The following SLC15A4 variants were observed in gnomAD, a reference collection of about 807,000 sequenced individuals.
SLC15A4 encodes the protein hPHT1.
A neutral mutation model predicts 46.1 loss-of-function variants in SLC15A4; 26 were observed. The ratio of observed to expected loss-of-function variants is 0.56; its 90% confidence interval spans 0.41 to 0.78. SLC15A4 has a LOEUF of 0.78. Ranked by LOEUF, SLC15A4 falls within the 30% of genes least tolerant of loss-of-function variation. The pLI, the probability that SLC15A4 is intolerant of heterozygous loss-of-function variation, is 0.00. For missense variants in SLC15A4, 751 were observed against 755.7 expected (o/e 0.99, Z 0.07); for synonymous variants, 370 against 333.4 (o/e 1.11, Z -1.20).
At chr12:128,809,340 C>A in intron 4 of SLC15A4, 56 bp downstream of exon 4, 1 of 1,088,676 alleles carries the variant, frequency 9.2e-7, no homozygotes, top group South Asian at 1.4e-5. Context: ...TAGAAGGAAT[C>A]CATTTATTAC....
At chr12:128,798,451 T>C (rs770807486) in intron 7 of SLC15A4, among the ~76,000 whole-genome samples, 2 of 152,188 alleles carry the variant, frequency 1.3e-5, no homozygotes, top group Non-Finnish European at 2.9e-5. Context: ...CCTATACTCA[T>C]GGAAGGGCTC....
Position 128,808,812 on chromosome 12 carries a change from C to CA in SLC15A4, c.1233dup (p.Val412CysfsTer14). 1 of 1,614,168 alleles carries CA rather than the reference C, an allele frequency of 6.2e-7. No individual in the cohort carries two copies. Among genetic ancestry groups the CA allele is most frequent in the Non-Finnish European group, 8.5e-7 (1 of 1,180,008 alleles). ...CCTGCAGCAAAGGCCGAGCACATGA[C>CA]AAAGAACATGCCCACGGCGATCCTC... is the stretch of plus-strand genomic sequence containing the variant. On this transcript the variant is annotated frameshift_variant, in exon 5 of 8. Coordinates refer to ENST00000266771, the MANE Select transcript of SLC15A4 (RefSeq NM_145648.4). LOFTEE classifies it high-confidence loss of function.
intron 7 of SLC15A4, 66 bp from the exon 8 acceptor site, chr12:128,794,422 C>T (rs933099698): frequency 6.8e-7 from 1 of 1,468,288 alleles, no homozygotes; most frequent in Non-Finnish European, 9.2e-7. Flanking sequence ...CAAGACTTTA[C>T]TATTTAATCT....
intron 1 of SLC15A4, among the ~76,000 whole-genome samples, chr12:128,823,150 A>G (rs1445877922): frequency 6.6e-6 from 1 of 152,114 alleles, no homozygotes; most frequent in Non-Finnish European, 1.5e-5. Context: ...TCTTTTCTTT[A>G]AAGCCACTGT....
At chr12:128,821,417 G>A (rs952596894) in intron 1 of SLC15A4, among the ~76,000 whole-genome samples, 2 of 152,180 alleles carry the variant, frequency 1.3e-5, no homozygotes, top group Non-Finnish European at 1.5e-5. Context: ...GAGACATCTC[G>A]TCTCCATCAC....
At position 128,800,883 on chromosome 12, in the gene SLC15A4, C is replaced by T. The variant is rs1187733419; in HGVS notation, c.1385G>A (p.Gly462Glu). The T allele has an allele frequency of 3.7e-6, 6 of 1,613,186 alleles. No individual in the cohort carries two copies. In the African/African-American group the frequency reaches 8.0e-5, roughly 22 times the overall value. Residue 462 changes from glycine (G) to glutamate (E), a missense_variant, in exon 6 of 8, where the codon GGG becomes GAG. Coordinates refer to ENST00000266771, the MANE Select transcript of SLC15A4 (RefSeq NM_145648.4). ...WWQVPQYLLIGISEIFASIAG... is the reference protein window; with the variant it reads ...WWQVPQYLLIEISEIFASIAG... ...GATACTTGCAAAGATCTCGCTGATC[C>T]CAATCAGCAAGTACTGCGGCACCTG...
At position 128,823,503 on chromosome 12, in the gene SLC15A4, G is replaced by A. The variant is rs1237999190; in HGVS notation, c.441C>T (p.Asp147=). ...CCGGTGAGCAGCAGCGGGCGGCGGC[G>A]TCGGGACCAGGCGCCGTGCAGTTGA... is the stretch of plus-strand genomic sequence containing the variant. ...RLLNCTAPGP[D]AAARCCSPAT... Residue 147 remains aspartate (D), a synonymous_variant, in exon 1 of 8, where the codon GAC becomes GAT. Transcript: ENST00000266771. 2.2e-5 allele frequency: 33 copies of A among 1,484,244 alleles called. No individual in the cohort carries two copies. The highest frequency in any genetic ancestry group is 2.9e-5 in the Non-Finnish European group (33 of 1,124,484). The allele number at this position is 1,484,244 out of a possible 1,614,324, so 91.9% of individuals were successfully genotyped here.
chr12:128,810,728 C>T (rs924276310), intron 2 of SLC15A4, among the ~76,000 whole-genome samples: 5 of 152,044 alleles, frequency 3.3e-5, no homozygotes, highest in Non-Finnish European at 5.9e-5. Flanking sequence ...AGGAGGATGT[C>T]CCTGGCTCTG....
chr12:128,810,021 T>G lies in SLC15A4; in HGVS notation c.933A>C (p.Lys311Asn). 1 of 1,614,216 alleles carries G rather than the reference T, an allele frequency of 6.2e-7. No individual in the cohort carries two copies. Among genetic ancestry groups the G allele is most frequent in the East Asian group, 2.2e-5 (1 of 44,878 alleles). ...TGACCAGAGCTTTCACATCTTCCAC[T>G]TTCTCTTCTGTAAATGGCCCACCAT... The part of the protein sequence containing the change: ...MSHGGPFTEE[K>N]VEDVKALVKI... Residue 311 changes from lysine (K) to asparagine (N), a missense_variant, in exon 3 of 8, where the codon AAA becomes AAC. Coordinates refer to ENST00000266771, the MANE Select transcript of SLC15A4 (RefSeq NM_145648.4).
At chr12:128,798,724 C>T (rs1955477722) in intron 7 of SLC15A4, among the ~76,000 whole-genome samples, 1 of 152,236 alleles carries the variant, frequency 6.6e-6, no homozygotes, top group Admixed American at 6.5e-5. Flanking sequence ...TTCTGTTCAA[C>T]ACTCAAGATG....
At chr12:128,819,687 CCT>C (rs1397115450) in intron 1 of SLC15A4, 2 of 152,192 alleles carry the variant, frequency 1.3e-5, no homozygotes, top group African/African-American at 4.8e-5. Context: ...TCCACAAGGT[CCT>C]CTTTTAACAT....
intron 5 of SLC15A4, among the ~76,000 whole-genome samples, chr12:128,805,555 CAG>C (rs1955575432): frequency 1.3e-5 from 2 of 152,016 alleles, no homozygotes; most frequent in South Asian, 2.1e-4. Flanking sequence ...CTTTTTGAGA[CAG>C]AGTCTCACTC....
chr12:128,794,255 G>A lies in SLC15A4; in HGVS notation c.1675C>T (p.His559Tyr), dbSNP rs200001492. 6.2e-7 allele frequency: 1 copy of A among 1,613,988 alleles called. No homozygotes were observed. The highest frequency in any genetic ancestry group is 1.3e-5 in the African/African-American group (1 of 75,012). ...LFLIISVKYD[H>Y]HRDHQRSRAN... ...CTTGATCGCTGATGGTCTCGATGAT[G>A]GTCATATTTCACAGAAATAATGAGG... Residue 559 changes from histidine (H) to tyrosine (Y), a missense_variant, in exon 8 of 8, where the codon CAT (histidine) becomes TAT (tyrosine). Transcript: ENST00000266771.
intron 7 of SLC15A4, among the ~76,000 whole-genome samples, chr12:128,795,045 C>A (rs1337040298): frequency 6.6e-6 from 1 of 152,108 alleles, no homozygotes; most frequent in Non-Finnish European, 1.5e-5. Context: ...AACAAAAGAG[C>A]GCCTGACTAT....
Position 128,815,068 on chromosome 12 carries a change from A to C in SLC15A4, c.549T>G (p.Val183=). The change falls in exon 2 of 8, where the codon GTT becomes GTG. Residue 183 remains valine (V), a splice_region_variant and synonymous_variant. Coordinates refer to ENST00000266771, the MANE Select transcript of SLC15A4 (RefSeq NM_145648.4). ...ANITPFGADQ[V]KDRGPEATRR... ...TAGTGGCTTCCGGACCTCGATCTTT[A>C]ACCTAAAATAACAGGGAGGAAAGAC... The C allele has an allele frequency of 6.2e-7, 1 of 1,604,812 alleles. No individual in the cohort carries two copies. The highest frequency in any genetic ancestry group is 1.1e-5 in the South Asian group (1 of 90,956).
At chr12:128,795,686 G>A (rs2135701843) in intron 7 of SLC15A4, among the ~76,000 whole-genome samples, 1 of 152,358 alleles carries the variant, frequency 6.6e-6, no homozygotes, top group East Asian at 1.9e-4. Context: ...GCCAGCACCG[G>A]CTAACATCAC....
Position 128,823,469 on chromosome 12 carries a change from C to T in SLC15A4, c.475G>A (p.Ala159Thr). Residue 159 changes from alanine (A) to threonine (T), a missense_variant, in exon 1 of 8, where the codon GCG (alanine) becomes ACG (threonine). By Grantham distance (58) the Ala-to-Thr change is moderately conservative. Coordinates refer to ENST00000266771, the MANE Select transcript of SLC15A4 (RefSeq NM_145648.4). ...AARCCSPATFAGLVLVGLGVA... is the reference protein window; with the variant it reads ...AARCCSPATFTGLVLVGLGVA... ...CCCAGGCCCACCAGCACCAGCCCCG[C>T]GAAGGTGGCCGGTGAGCAGCAGCGG... 1.3e-6 allele frequency: 2 copies of T among 1,482,122 alleles called. No homozygotes were observed. The highest frequency in any genetic ancestry group is 1.8e-6 in the Non-Finnish European group (2 of 1,123,402). 91.8% of individuals were successfully genotyped at this position (1,482,122 alleles called of 1,614,324 possible).
intron 4 of SLC15A4, 100 bp from the exon 5 acceptor site, chr12:128,809,056 A>C (rs1424750361): frequency 1.8e-6 from 2 of 1,123,438 alleles, no homozygotes; most frequent in Admixed American, 2.3e-5. Context: ...CGTAAAGAAC[A>C]GTTCCTCTCC....
At chr12:128,822,800 T>A (rs563336117) in intron 1 of SLC15A4, among the ~76,000 whole-genome samples, 2 of 152,310 alleles carry the variant, frequency 1.3e-5, no homozygotes, top group African/African-American at 4.8e-5. Flanking sequence ...CCTCCCAAAG[T>A]GTTGGGATTA....
Sources: allele counts gnomAD v4.1 joint callset (sites outside exome capture counted in the v4.1 genomes callset), GRCh38; gene constraint gnomAD v4.1.1; transcripts MANE v1.5; gene names NCBI Gene and HGNC (gene_info 2026-07-23, HGNC 2026-07-21).